The following CSMD1 variants were observed in gnomAD, a reference collection of about 807,000 sequenced individuals.
The protein encoded by CSMD1 is CUB and Sushi multiple domains 1.
CSMD1 carries 213 observed loss-of-function variants against 417.5 expected under a neutral mutation model. The observed-to-expected ratio is 0.51, with a 90% CI of 0.46 to 0.57. The LOEUF (loss-of-function observed/expected upper bound fraction) is 0.57. Among genes scored for constraint, CSMD1 ranks in the 20% least tolerant of loss-of-function variants. The pLI is 0.00. For synonymous variants in CSMD1, 2,862 were observed against 1,736.8 expected (o/e 1.65, Z -16.11); for missense variants, 6,923 against 4,529.7 (o/e 1.53, Z -15.17).
chr8:4,053,049 G>T (rs942624938), intron 3 of CSMD1, among the ~76,000 whole-genome samples: 12 of 152,158 alleles, frequency 7.9e-5, no homozygotes, highest in African/African-American at 2.9e-4. Flanking sequence ...CTAACCAGAG[G>T]AGTCCTTGGG....
chr8:4,157,543 C>T (rs965024650), intron 3 of CSMD1, among the ~76,000 whole-genome samples: 2 of 152,162 alleles, frequency 1.3e-5, no homozygotes, highest in African/African-American at 4.8e-5. Flanking sequence ...TACCTCTAGT[C>T]AATGACTGTG....
intron 2 of CSMD1, among the ~76,000 whole-genome samples, chr8:4,534,191 A>G (rs1056901051): frequency 1.3e-5 from 2 of 152,166 alleles, no homozygotes; most frequent in African/African-American, 2.4e-5. Flanking sequence ...AGGGAGCACA[A>G]TTTAATAGAG....
At chr8:4,954,176 TAAAC>T (rs1390161195) in intron 1 of CSMD1, among the ~76,000 whole-genome samples, 1 of 152,176 alleles carries the variant, frequency 6.6e-6, no homozygotes, top group Non-Finnish European at 1.5e-5. Context: ...CATTTAGAAA[TAAAC>T]AAACAGAAAA....
chr8:4,936,592 C>A (rs182996153), intron 1 of CSMD1, among the ~76,000 whole-genome samples: 1 of 152,262 alleles, frequency 6.6e-6, no homozygotes, highest in Admixed American at 6.5e-5. Context: ...CTGTGAAACA[C>A]TTTATTTGAT....
chr8:3,940,859 A>G (rs1810830593), intron 5 of CSMD1, among the ~76,000 whole-genome samples: 1 of 144,422 alleles, frequency 6.9e-6, no homozygotes. Context: ...AAAACTAATC[A>G]TACGCTTCTT....
intron 23 of CSMD1, among the ~76,000 whole-genome samples, chr8:3,322,769 A>C (rs990495034): frequency 1.3e-5 from 2 of 152,200 alleles, no homozygotes; most frequent in African/African-American, 2.4e-5. Flanking sequence ...CTTAACCCGC[A>C]AACCTCAAAC....
rs141500132 is a variant in CSMD1, at chr8:3,130,601, C to T, written c.6241+11864G>A. On this transcript the variant is annotated intron_variant, in intron 41 of 69. Coordinates refer to ENST00000635120, the MANE Select transcript of CSMD1 (RefSeq NM_033225.6). ...GACCCGGGGAAGCCCTCTGACCTTC[C>T]GCTCCCAGTGCACCAGCCTTGTTCC... Among the ~76,000 whole-genome samples the T allele has an allele frequency of 4.3e-3, 652 of 152,262 alleles. 5 individuals carry two copies. Among genetic ancestry groups the T allele is most frequent in the Non-Finnish European group, 6.9e-3 (472 of 68,022 alleles).
intron 3 of CSMD1, among the ~76,000 whole-genome samples, chr8:4,270,577 C>CA (rs1804523100): frequency 6.6e-6 from 1 of 152,170 alleles, no homozygotes; most frequent in Non-Finnish European, 1.5e-5. Context: ...GATGACTACA[C>CA]ATTTTATAGC....
intron 3 of CSMD1, among the ~76,000 whole-genome samples, chr8:4,198,046 T>C (rs1403453163): frequency 6.6e-6 from 1 of 152,246 alleles, no homozygotes; most frequent in Non-Finnish European, 1.5e-5. Context: ...TGAAGAAGTA[T>C]TTATGCTCAG....
chr8:3,972,014 C>G (rs963650581), intron 5 of CSMD1, among the ~76,000 whole-genome samples: 3 of 151,892 alleles, frequency 2.0e-5, no homozygotes, highest in African/African-American at 4.8e-5. Context: ...TCAAGTAATC[C>G]TCCTGCATCA....
At chr8:4,560,450 AATC>A (rs1213532677) in intron 2 of CSMD1, among the ~76,000 whole-genome samples, 1 of 152,216 alleles carries the variant, frequency 6.6e-6, no homozygotes, top group Non-Finnish European at 1.5e-5. Context: ...ATGCTTCTGC[AATC>A]TATAACCAAA....
In CSMD1 at chr8:3,846,132, G is replaced by C. The variant is rs186785114; in HGVS notation, c.819-92090C>G. 2.6e-5 allele frequency among the ~76,000 whole-genome samples: 4 copies of C among 152,224 alleles called. No homozygotes were observed. The East Asian group carries it at 7.7e-4, about 29-fold the overall frequency. ...TAGTAATTATATAAACCAGTACCAT[G>C]GTTGTTTATGATCAGGATCAAGCAT... On this transcript the variant is annotated intron_variant, in intron 5 of 69. Coordinates refer to ENST00000635120, the MANE Select transcript of CSMD1 (RefSeq NM_033225.6).
intron 49 of CSMD1, among the ~76,000 whole-genome samples, chr8:3,063,939 C>A (rs1003265045): frequency 3.3e-5 from 5 of 152,176 alleles, no homozygotes; most frequent in African/African-American, 1.2e-4. Context: ...CTTAACACCA[C>A]TGAACTGTAC....
At chr8:3,419,046 A>C (rs1189464154) in intron 12 of CSMD1, among the ~76,000 whole-genome samples, 1 of 152,206 alleles carries the variant, frequency 6.6e-6, no homozygotes, top group Admixed American at 6.5e-5. Context: ...ACAAATAGTT[A>C]ATGCTCTGCT....
At chr8:4,820,398 C>T (rs1189288349) in intron 1 of CSMD1, among the ~76,000 whole-genome samples, 2 of 152,102 alleles carry the variant, frequency 1.3e-5, no homozygotes, top group African/African-American at 2.4e-5. Context: ...ATAGAGCTTG[C>T]TTGGCAATTA....
intron 23 of CSMD1, among the ~76,000 whole-genome samples, chr8:3,310,973 G>A (rs534811944): frequency 6.6e-6 from 1 of 152,282 alleles, no homozygotes; most frequent in South Asian, 2.1e-4. Flanking sequence ...GATGATGAAA[G>A]CCTGGACTAA....
intron 1 of CSMD1, among the ~76,000 whole-genome samples, chr8:4,742,206 A>G (rs931052752): frequency 6.7e-6 from 1 of 149,430 alleles, no homozygotes; most frequent in African/African-American, 2.5e-5. Flanking sequence ...AATTTTTTGT[A>G]TTTTTAGTAG....
intron 11 of CSMD1, chr8:3,469,110 G>A (rs1816942790): frequency 3.7e-6 from 1 of 268,778 alleles, no homozygotes; most frequent in Non-Finnish European, 7.1e-6. Flanking sequence ...GAACCGAGAG[G>A]CTTCCCCAGG....
rs775379391 is a variant in CSMD1 at position 4,057,582 on chromosome 8, G to C, written c.416-25483C>G. ...TTTGGCTTTTGTTGCCATTGCTTTTGGTGTTATAGACATGAAGTCCTTGCC... is the reference window on the plus strand; with the variant it reads ...TTTGGCTTTTGTTGCCATTGCTTTTCGTGTTATAGACATGAAGTCCTTGCC... On this transcript the variant is annotated intron_variant, in intron 3 of 69. Transcript: ENST00000635120. Among the ~76,000 whole-genome samples the C allele has an allele frequency of 1.9e-3, 296 of 151,912 alleles. 4 individuals carry two copies. The highest frequency in any genetic ancestry group is 5.3e-4 in the Non-Finnish European group (36 of 67,978).
Sources: gnomAD v4.1 joint callset for allele counts (sites outside exome capture counted in the v4.1 genomes callset) on GRCh38, gnomAD v4.1.1 for gene constraint, MANE v1.5 for transcripts, NCBI Gene and HGNC (gene_info 2026-07-23, HGNC 2026-07-21) for gene names.